The following CC2D1A variants were observed in gnomAD, a reference collection of about 807,000 sequenced individuals.
CC2D1A encodes the protein coiled-coil and C2 domain containing 1A, also known as coiled-coil and C2 domain-containing protein 1A.
A neutral mutation model predicts 123.8 loss-of-function variants in CC2D1A; 68 were observed. The observed-to-expected ratio is 0.55, with a 90% confidence interval of 0.45 to 0.67. CC2D1A has a LOEUF of 0.67. Ranked by LOEUF, CC2D1A falls within the 30% of genes least tolerant of loss-of-function variation. The pLI is 0.00. For missense variants in CC2D1A, 1,185 were observed against 1,290.3 expected (o/e 0.92, Z 1.25); for synonymous variants, 477 against 528.0 (o/e 0.90, Z 1.32).
chr19:13,928,991 G>T (rs184467835), intron 24 of CC2D1A, among the ~76,000 whole-genome samples: 1 of 150,684 alleles, frequency 6.6e-6, no homozygotes, highest in African/African-American at 2.4e-5. Context: ...TTACAGGCAT[G>T]AGCTACCATG....
rs769502013 is a variant in CC2D1A at position 13,906,499 on chromosome 19, C to G, written c.58C>G (p.Gln20Glu). 6.7e-7 allele frequency: 1 copy of G among 1,490,776 alleles called. No homozygotes were observed. Among genetic ancestry groups the G allele is most frequent in the South Asian group, 1.3e-5 (1 of 79,326 alleles). The allele number at this position is 1,490,776 out of a possible 1,614,324, so 92.3% of individuals were successfully genotyped here. The stretch of plus-strand genomic sequence containing the variant: ...GGGCAGAGGCGCCGCGGCCGCCCGC[C>G]AGGTGAGTTTGCGCCCCACGGCCCG... ...PPGRGAAAAR[Q>E]LGLLVDLSPD... The change falls in exon 1 of 29, where the codon CAG becomes GAG. Residue 20 changes from glutamine to glutamate, a missense_variant and splice_region_variant. Gln to Glu is a conservative substitution (Grantham distance 29). Transcript: ENST00000318003. This position sits in a 1 kb window ranked among gnomAD's most constrained non-coding sequence, Gnocchi z 4.1.
At chr19:13,921,903 CA>C (rs1342311795) in intron 14 of CC2D1A, among the ~76,000 whole-genome samples, 1 of 152,170 alleles carries the variant, frequency 6.6e-6, no homozygotes, top group African/African-American at 2.4e-5. Context: ...TGAGAGACCA[CA>C]AGAAACACAC....
At chr19:13,915,399 C>T (rs1421976321) in intron 6 of CC2D1A, among the ~76,000 whole-genome samples, 18 of 152,178 alleles carry the variant, frequency 1.2e-4, no homozygotes. Flanking sequence ...GCGCCCACCA[C>T]CAAGCCCGGC....
intron 4 of CC2D1A, 75 bp from the exon 5 acceptor site, chr19:13,913,093 T>A (rs891194680): frequency 6.9e-7 from 1 of 1,439,438 alleles, no homozygotes; most frequent in African/African-American, 1.4e-5. Context: ...TGGGGCCGAC[T>A]GTTACTGCAG....
chr19:13,929,369 C>T lies in CC2D1A; in HGVS notation c.2520-10C>T. 2.5e-6 allele frequency: 4 copies of T among 1,613,446 alleles called. No individual in the cohort carries two copies. The highest frequency in any genetic ancestry group is 3.4e-6 in the Non-Finnish European group (4 of 1,179,880). ...TCTCTGCAGTCCCTTATCCTTCCTCCACCCCTTAGATCAGCCCGGCCCCTG... is the reference window on the plus strand; with the variant it reads ...TCTCTGCAGTCCCTTATCCTTCCTCTACCCCTTAGATCAGCCCGGCCCCTG... On this transcript the variant is annotated splice_polypyrimidine_tract_variant and intron_variant, in intron 24 of 28. Coordinates refer to ENST00000318003, the MANE Select transcript of CC2D1A (RefSeq NM_017721.5).
At chr19:13,918,336 C>T (rs967928386) in intron 7 of CC2D1A, 142 bp downstream of exon 7, 3 of 1,179,172 alleles carry the variant, frequency 2.5e-6, no homozygotes, top group African/African-American at 1.6e-5. Flanking sequence ...CCTCAGTTTA[C>T]CCCCTCTGTG....
chr19:13,910,002 C>A, intron 2 of CC2D1A, 44 bp downstream of exon 2: 1 of 1,492,194 alleles, frequency 6.7e-7, no homozygotes, highest in Non-Finnish European at 8.9e-7. Context: ...TGATCTCCTG[C>A]AAGTGGTTCG....
At chr19:13,926,494 C>T in intron 17 of CC2D1A, 23 bp from the exon 18 acceptor site, 1 of 1,610,974 alleles carries the variant, frequency 6.2e-7, no homozygotes, top group South Asian at 1.1e-5. Context: ...GCCCACCTGC[C>T]TGCCCACCTG....
chr19:13,922,019 T>G (rs1971427479), intron 14 of CC2D1A, among the ~76,000 whole-genome samples: 1 of 152,226 alleles, frequency 6.6e-6, no homozygotes, highest in Admixed American at 6.5e-5. Flanking sequence ...TGTTTTGTTT[T>G]GAGACGGAGT....
Position 13,929,438 on chromosome 19 carries a change from G to A in CC2D1A, c.2579G>A (p.Arg860Gln), listed in dbSNP as rs377502758. 8.1e-6 allele frequency: 13 copies of A among 1,613,180 alleles called. No homozygotes were observed. The highest frequency in any genetic ancestry group is 1.6e-4 in the Middle Eastern group (1 of 6,084). Residue 860 changes from arginine to glutamine, a missense_variant, in exon 25 of 29, where the codon CGG becomes CAG. By Grantham distance (43) the Arg-to-Gln change is conservative. Transcript: ENST00000318003. ...GCGTTTGACCAAGAGCGTCTGGAGC[G>A]GAAGGTGGGTATCCATCCTGCCGGG... The part of the protein sequence containing the change: ...VLAFDQERLE[R>Q]KILALRQARR...
chr19:13,927,651 G>A (rs1196659973), intron 22 of CC2D1A: 7 of 513,388 alleles, frequency 1.4e-5, no homozygotes, highest in African/African-American at 5.7e-5. Context: ...GGTGGCGGGC[G>A]CCTGTAGTCC....
intron 6 of CC2D1A, among the ~76,000 whole-genome samples, chr19:13,914,778 G>A (rs1375169760): frequency 6.6e-6 from 1 of 152,070 alleles, no homozygotes; most frequent in Admixed American, 6.6e-5. Context: ...TGGGATTACA[G>A]GCATATGCCA....
chr19:13,929,452 C>CA lies in CC2D1A; in HGVS notation c.2583+11dup, dbSNP rs1425258412. 1 of 1,613,092 alleles carries CA rather than the reference C, an allele frequency of 6.2e-7. No individual in the cohort carries two copies. Among genetic ancestry groups the CA allele is most frequent in the East Asian group, 2.2e-5 (1 of 44,728 alleles). ...GCGTCTGGAGCGGAAGGTGGGTATC[C>CA]ATCCTGCCGGGCTACATGGGGCAGG... On this transcript the variant is annotated intron_variant, in intron 25 of 28. Transcript: ENST00000318003.
intron 20 of CC2D1A, 32 bp from the exon 21 acceptor site, chr19:13,926,946 A>T (rs1971665207): frequency 1.2e-6 from 2 of 1,612,670 alleles, no homozygotes; most frequent in African/African-American, 2.7e-5. Flanking sequence ...GCCTGACCCC[A>T]CCCAACTTCC....
At position 13,929,558 on chromosome 19, in the gene CC2D1A, C is replaced by T. The variant is rs543219709; in HGVS notation, c.2608C>T (p.Arg870Trp). Reference sequence around the variant, plus strand: ...GATCCTGGCCCTCAGGCAGGCGCGGCGGCCGGTGCCCCCAGAAGTGGCCCA... The same window carrying T: ...GATCCTGGCCCTCAGGCAGGCGCGGTGGCCGGTGCCCCCAGAAGTGGCCCA... ...RKILALRQAR[R>W]PVPPEVAQQY... The change falls in exon 26 of 29, where the codon CGG becomes TGG. Residue 870 changes from arginine to tryptophan, a missense_variant. Arg to Trp is a moderately radical substitution (Grantham distance 101). Coordinates refer to ENST00000318003, the MANE Select transcript of CC2D1A (RefSeq NM_017721.5). 9.9e-6 allele frequency: 16 copies of T among 1,610,630 alleles called. No homozygotes were observed. Among genetic ancestry groups the T allele is most frequent in the East Asian group, 4.5e-5 (2 of 44,750 alleles).
Sources: allele counts gnomAD v4.1 joint callset (sites outside exome capture counted in the v4.1 genomes callset), GRCh38; gene constraint gnomAD v4.1.1; non-coding constraint Gnocchi (gnomAD v3.1); transcripts MANE v1.5; gene names NCBI Gene and HGNC (gene_info 2026-07-23, HGNC 2026-07-21).